Variants in SCTR observed in about 807,000 individuals in gnomAD.
SCTR encodes secretin receptor.
A neutral mutation model predicts 60.8 loss-of-function variants in SCTR; 56 were observed. That is an observed-to-expected ratio of 0.92 (90% CI 0.74 to 1.15). The LOEUF (loss-of-function observed/expected upper bound fraction) is 1.15. Among genes scored for constraint, SCTR ranks in the 50% most tolerant of loss-of-function variants. SCTR has a pLI of 0.00. For synonymous variants in SCTR, 202 were observed against 217.0 expected (o/e 0.93, Z 0.61); for missense variants, 562 against 550.4 (o/e 1.02, Z -0.21).
chr2:119,475,907 G>GT (rs1192459681), intron 3 of SCTR, among the ~76,000 whole-genome samples: 1 of 151,862 alleles, frequency 6.6e-6, no homozygotes, highest in Non-Finnish European at 1.5e-5. Flanking sequence ...GGGGAATTGT[G>GT]TTTTTTAATA....
chr2:119,506,429 C>A (rs988468872), intron 1 of SCTR, among the ~76,000 whole-genome samples: 10 of 151,730 alleles, frequency 6.6e-5, no homozygotes, highest in African/African-American at 2.4e-4. Context: ...CTATATTATT[C>A]CATTTATCCA....
intron 11 of SCTR, among the ~76,000 whole-genome samples, chr2:119,445,049 G>A (rs550645896): frequency 5.3e-5 from 8 of 150,100 alleles, no homozygotes; most frequent in Admixed American, 2.0e-4. Context: ...ATCAACATTC[G>A]TATGAGAACA....
chr2:119,453,946 T>A (rs1683271516), intron 7 of SCTR, among the ~76,000 whole-genome samples: 1 of 152,194 alleles, frequency 6.6e-6, no homozygotes, highest in South Asian at 2.1e-4. Context: ...TGACTTCTAG[T>A]TAAACGTGGC....
chr2:119,467,258 A>T (rs995922298), intron 4 of SCTR, among the ~76,000 whole-genome samples: 3 of 152,068 alleles, frequency 2.0e-5, no homozygotes, highest in Non-Finnish European at 4.4e-5. Context: ...GTGCACCTGT[A>T]ATCCCAGCTA....
Position 119,508,666 on chromosome 2 carries a change from G to A in SCTR, c.73-14118C>T, listed in dbSNP as rs564413722. Among the ~76,000 whole-genome samples the A allele has an allele frequency of 5.3e-4, 81 of 151,950 alleles. 1 individual carries two copies. Among genetic ancestry groups the A allele is most frequent in the African/African-American group, 1.8e-3 (76 of 41,488 alleles). ...AGCCTCCCAAAGTGCTGGGATTACA[G>A]GTGTGAGCCACTGTGCCTGGCCTAA... On this transcript the variant is annotated intron_variant, in intron 1 of 12. Coordinates refer to ENST00000019103, the MANE Select transcript of SCTR (RefSeq NM_002980.3).
intron 1 of SCTR, among the ~76,000 whole-genome samples, chr2:119,511,404 T>A (rs1310811770): frequency 3.3e-5 from 5 of 152,236 alleles, no homozygotes; most frequent in Admixed American, 3.3e-4. Flanking sequence ...TTATAATGAC[T>A]TATTTTGACT....
At chr2:119,508,114 C>T (rs1678809753) in intron 1 of SCTR, among the ~76,000 whole-genome samples, 1 of 152,170 alleles carries the variant, frequency 6.6e-6, no homozygotes, top group Admixed American at 6.5e-5. Context: ...AGATTAGATT[C>T]TAGCAATGGA....
rs1445344584 is a variant in SCTR, at chr2:119,444,268, C to CACATATATACGTATGA, written c.1140+2490_1140+2491insTCATACGTATATATGT. Among the ~76,000 whole-genome samples, 14 of 82,862 alleles carry CACATATATACGTATGA rather than the reference C, an allele frequency of 1.7e-4. 1 individual carries two copies. The highest frequency in any genetic ancestry group is 5.7e-4 in the African/African-American group (14 of 24,716). The allele number at this position is 82,862 out of a possible 152,430, so 54.4% of individuals were successfully genotyped here. ...ATACACATATACATATGAATATATACATATATACATATGAATATATACACA... is the reference window on the plus strand; with the variant it reads ...ATACACATATACATATGAATATATACACATATATACGTATGAATATATACATATGAATATATACACA... On this transcript the variant is annotated intron_variant, in intron 11 of 12. Transcript: ENST00000019103.
At chr2:119,468,983 T>C (rs1573842235) in intron 4 of SCTR, among the ~76,000 whole-genome samples, 1 of 152,104 alleles carries the variant, frequency 6.6e-6, no homozygotes, top group Non-Finnish European at 1.5e-5. Flanking sequence ...TCGGGGTGAC[T>C]GATCATTTTC....
chr2:119,456,426 A>G (rs1476015602), intron 7 of SCTR, among the ~76,000 whole-genome samples: 2 of 152,138 alleles, frequency 1.3e-5, no homozygotes, highest in Admixed American at 1.3e-4. Flanking sequence ...ATATCTTCAG[A>G]CATGGGATTA....
At chr2:119,444,204 TATATACATATGAATATATACAC>T (rs1558830707) in intron 11 of SCTR, among the ~76,000 whole-genome samples, 3 of 130,398 alleles carry the variant, frequency 2.3e-5, no homozygotes, top group East Asian at 2.0e-4. Flanking sequence ...CACATATGTA[TATATACATATGAATATATACAC>T]ATATACATAT....
At position 119,494,430 on chromosome 2, in the gene SCTR, G is replaced by C. The variant is rs747038476; in HGVS notation, c.191C>G (p.Pro64Arg). 1.9e-6 allele frequency: 3 copies of C among 1,613,524 alleles called. No individual in the cohort carries two copies. Among genetic ancestry groups the C allele is most frequent in the Non-Finnish European group, 2.5e-6 (3 of 1,179,774 alleles). Residue 64 changes from proline to arginine, a missense_variant and splice_region_variant, in exon 2 of 13, where the codon CCA becomes CGA. Transcript: ENST00000019103. Reference protein sequence around the residue: ...TGDLGTEQPVPGCEGMWDNIS... With the variant: ...TGDLGTEQPVRGCEGMWDNIS... ...ATGGGCTGTGGCAAGCCTCATACCT[G>C]GCACTGGCTGCTCCGTGCCCAGGTC...
At chr2:119,457,492 G>T (rs940564353) in intron 7 of SCTR, among the ~76,000 whole-genome samples, 1 of 151,978 alleles carries the variant, frequency 6.6e-6, no homozygotes, top group Non-Finnish European at 1.5e-5. Context: ...CAGGAGGATC[G>T]TTTGGGCCCA....
intron 2 of SCTR, among the ~76,000 whole-genome samples, chr2:119,485,040 G>A (rs1408911558): frequency 2.6e-5 from 4 of 152,170 alleles, no homozygotes; most frequent in African/African-American, 9.7e-5. Context: ...AGCACAGGAG[G>A]GGCCAGTGGC....
intron 1 of SCTR, among the ~76,000 whole-genome samples, chr2:119,523,160 G>C (rs943879486): frequency 3.3e-5 from 5 of 152,004 alleles, no homozygotes. Flanking sequence ...CCCCAAGCGC[G>C]TTCCCTGGGG....
intron 1 of SCTR, among the ~76,000 whole-genome samples, chr2:119,515,258 C>T (rs1030584570): frequency 2.6e-5 from 4 of 152,268 alleles, no homozygotes; most frequent in Non-Finnish European, 5.9e-5. Flanking sequence ...AGTGGCATTG[C>T]CAAGTCTGCC....
rs1014109350 is a variant in SCTR at position 119,524,396 on chromosome 2, C to G, written c.-170G>C. 1 of 413,892 alleles carries G rather than the reference C, an allele frequency of 2.4e-6. No individual in the cohort carries two copies. The highest frequency in any genetic ancestry group is 4.5e-5 in the Admixed American group (1 of 21,986). The allele number at this position is 413,892 out of a possible 1,614,324, so 25.6% of individuals were successfully genotyped here. ...GGCGGGCCCCGGGACTGCTCCTCCT[C>G]GGACCAGGTGGCCGCGCGCGCTAAG... On this transcript the variant is annotated 5_prime_UTR_variant, in exon 1 of 13. Transcript: ENST00000019103.
intron 1 of SCTR, among the ~76,000 whole-genome samples, chr2:119,494,751 G>A (rs1016977444): frequency 1.1e-4 from 16 of 152,192 alleles, no homozygotes; most frequent in African/African-American, 3.6e-4. Context: ...AAGCTGGGAT[G>A]TGCAAATCAT....
intron 1 of SCTR, among the ~76,000 whole-genome samples, chr2:119,497,868 C>A (rs935582671): frequency 5.3e-5 from 8 of 151,942 alleles, no homozygotes; most frequent in South Asian, 2.1e-4. Context: ...AATTAAGAAA[C>A]CTTGAGGAAC....
Sources: allele counts gnomAD v4.1 joint callset (sites outside exome capture counted in the v4.1 genomes callset), GRCh38; gene constraint gnomAD v4.1.1; transcripts MANE v1.5; gene names NCBI Gene and HGNC (gene_info 2026-07-23, HGNC 2026-07-21).